PPP1R9A: variants seen among roughly 807,000 people sequenced by gnomAD.
PPP1R9A encodes the protein protein phosphatase 1 regulatory subunit 9A, also known as neurabin-1.
In PPP1R9A, 59 loss-of-function variants were observed where a neutral mutation model predicts 141.9. The ratio of observed to expected loss-of-function variants is 0.42; its 90% confidence interval spans 0.34 to 0.52. The LOEUF is 0.52. PPP1R9A is among the 20% of genes least tolerant of loss of function. PPP1R9A has a pLI of 0.10. For missense variants in PPP1R9A, 1,444 were observed against 1,611.9 expected, an observed-to-expected ratio of 0.90 and a Z score of 1.78; for synonymous variants, 500 against 569.7, an observed-to-expected ratio of 0.88 and a Z score of 1.74.
chr7:95,042,736 A>G (rs1210130929), intron 2 of PPP1R9A, among the ~76,000 whole-genome samples: 2 of 152,172 alleles, frequency 1.3e-5, no homozygotes, highest in South Asian at 2.1e-4. Flanking sequence ...GGTTATTTTT[A>G]TGCTCAAGAA....
chr7:95,254,180 G>A (rs1182454912), intron 12 of PPP1R9A, among the ~76,000 whole-genome samples: 1 of 152,128 alleles, frequency 6.6e-6, no homozygotes, highest in Non-Finnish European at 1.5e-5. Context: ...GCCAATCCAT[G>A]CTTGTGCAGT....
At chr7:95,216,274 G>A (rs547916006) in intron 7 of PPP1R9A, among the ~76,000 whole-genome samples, 1 of 152,332 alleles carries the variant, frequency 6.6e-6, no homozygotes, top group South Asian at 2.1e-4. Context: ...TCAGATGGTT[G>A]TAGATGTGTG....
At chr7:95,179,056 A>G (rs1284471643) in intron 5 of PPP1R9A, among the ~76,000 whole-genome samples, 1 of 152,034 alleles carries the variant, frequency 6.6e-6, no homozygotes, top group East Asian at 1.9e-4. Flanking sequence ...TCAAGACCAG[A>G]AAAGGACATA....
intron 2 of PPP1R9A, among the ~76,000 whole-genome samples, chr7:95,014,495 G>A (rs1804835265): frequency 6.6e-6 from 1 of 151,944 alleles, no homozygotes; most frequent in African/African-American, 2.4e-5. Context: ...ACATTATAAA[G>A]ATTTGTCCAA....
At chr7:95,092,077 C>T (rs1004731585) in intron 2 of PPP1R9A, among the ~76,000 whole-genome samples, 8 of 152,112 alleles carry the variant, frequency 5.3e-5, no homozygotes, top group African/African-American at 1.9e-4. Flanking sequence ...CTCATTATCA[C>T]CTACCTGTTA....
chr7:94,944,032 T>C (rs1388530940), intron 2 of PPP1R9A, among the ~76,000 whole-genome samples: 3 of 152,164 alleles, frequency 2.0e-5, no homozygotes, highest in African/African-American at 7.2e-5. Flanking sequence ...AAAATTGATA[T>C]ATAATAGTTG....
chr7:94,910,930 A>G lies in PPP1R9A; in HGVS notation c.817A>G (p.Lys273Glu). 3 of 1,614,144 alleles carry G rather than the reference A, an allele frequency of 1.9e-6. No individual in the cohort carries two copies. The highest frequency in any genetic ancestry group is 1.6e-4 in the Middle Eastern group (1 of 6,062). ...AGGTGTTGATACAGAGGATGCTCAC[A>G]AGAGTAATGCAACTCCAGTACCAGA... ...KRGVDTEDAH[K>E]SNATPVPEVA... The change falls in exon 2 of 20, where the codon AAG (lysine) becomes GAG (glutamate). Residue 273 changes from lysine (K) to glutamate (E), a missense_variant. By Grantham distance (56) the Lys-to-Glu change is moderately conservative (BLOSUM62 1). Coordinates refer to ENST00000433360, the MANE Select transcript of PPP1R9A (RefSeq NM_001166160.2). This position sits in a 1 kb window ranked among gnomAD's most constrained non-coding sequence, Gnocchi z 4.5.
intron 2 of PPP1R9A, among the ~76,000 whole-genome samples, chr7:95,078,724 T>A (rs1429554869): frequency 1.3e-5 from 2 of 151,864 alleles, no homozygotes; most frequent in African/African-American, 4.8e-5. Flanking sequence ...ATTTCTCTGA[T>A]GGCCAGTGAT....
intron 2 of PPP1R9A, among the ~76,000 whole-genome samples, chr7:95,080,948 A>G (rs1815721878): frequency 6.6e-6 from 1 of 152,214 alleles, no homozygotes; most frequent in African/African-American, 2.4e-5. Flanking sequence ...ATGGGGTAAG[A>G]TGTCAATTAA....
chr7:95,189,716 G>A (rs904773445), intron 5 of PPP1R9A, among the ~76,000 whole-genome samples: 4 of 152,152 alleles, frequency 2.6e-5, no homozygotes, highest in South Asian at 2.1e-4. Flanking sequence ...GATTACAGGC[G>A]TGAGCCACCG....
At chr7:94,993,897 G>A (rs931175552) in intron 2 of PPP1R9A, among the ~76,000 whole-genome samples, 1 of 152,044 alleles carries the variant, frequency 6.6e-6, no homozygotes, top group Non-Finnish European at 1.5e-5. Flanking sequence ...GCTGAATGTT[G>A]GATAAAAATG....
chr7:95,158,540 C>T (rs1428189683), intron 4 of PPP1R9A, among the ~76,000 whole-genome samples: 1 of 152,110 alleles, frequency 6.6e-6, no homozygotes, highest in East Asian at 1.9e-4. Context: ...AAACTTTGGG[C>T]AGAAAAGTAC....
In PPP1R9A at chr7:95,111,514, A is replaced by G; in HGVS notation, c.1528+123A>G. 7 of 1,025,612 alleles carry G rather than the reference A, an allele frequency of 6.8e-6. No homozygotes were observed. The Middle Eastern group carries it at 1.5e-3, about 221-fold the overall frequency. 63.5% of individuals were successfully genotyped at this position (1,025,612 alleles called of 1,614,324 possible). A position where few individuals can be genotyped will look rare whatever the true frequency, so the allele number is the denominator to read the frequency against. ...AATTTTAATTCTAACAGAGGATCTT[A>G]TTTATTAAGTTTCAAAAATAGTTGA... On this transcript the variant is annotated intron_variant, in intron 3 of 19. Transcript: ENST00000433360.
intron 16 of PPP1R9A, among the ~76,000 whole-genome samples, chr7:95,275,363 G>T (rs1049833407): frequency 6.9e-6 from 1 of 145,492 alleles, no homozygotes. Flanking sequence ...AGCCAAGATC[G>T]CACCACTGCA....
chr7:94,994,066 AT>A (rs1801849502), intron 2 of PPP1R9A, among the ~76,000 whole-genome samples: 1 of 152,198 alleles, frequency 6.6e-6, no homozygotes, highest in Non-Finnish European at 1.5e-5. Flanking sequence ...CCGAAGTTTT[AT>A]CTGACACAAG....
At chr7:95,179,790 A>C (rs2152785108) in intron 5 of PPP1R9A, among the ~76,000 whole-genome samples, 1 of 151,676 alleles carries the variant, frequency 6.6e-6, no homozygotes, top group African/African-American at 2.4e-5. Flanking sequence ...AAAAAAAAAA[A>C]AAAAAATACG....
intron 7 of PPP1R9A, among the ~76,000 whole-genome samples, chr7:95,205,851 G>A (rs1790679753): frequency 1.3e-5 from 2 of 152,090 alleles, no homozygotes; most frequent in Admixed American, 1.3e-4. Context: ...TTCAATGACA[G>A]GTTTCAATGG....
intron 10 of PPP1R9A, 149 bp from the exon 11 acceptor site, chr7:95,251,613 A>G: frequency 1.5e-6 from 1 of 678,086 alleles, no homozygotes; most frequent in African/African-American, 1.8e-5. Flanking sequence ...AGTTTCTTTC[A>G]TTACTATACT....
At chr7:95,100,551 A>G (rs1448913586) in intron 2 of PPP1R9A, among the ~76,000 whole-genome samples, 1 of 152,208 alleles carries the variant, frequency 6.6e-6, no homozygotes, top group African/African-American at 2.4e-5. Context: ...CTTAGATAAG[A>G]ACTGATTCTG....
Sources: gnomAD v4.1 joint callset for allele counts (sites outside exome capture counted in the v4.1 genomes callset) on GRCh38, gnomAD v4.1.1 for gene constraint, Gnocchi (gnomAD v3.1) non-coding constraint, MANE v1.5 for transcripts, NCBI Gene and HGNC (gene_info 2026-07-23, HGNC 2026-07-21) for gene names.